CTNND2: variants seen among roughly 807,000 people sequenced by gnomAD.
CTNND2 encodes the protein catenin delta-2.
A neutral mutation model predicts 144.4 loss-of-function variants in CTNND2; 22 were observed. That is an observed-to-expected ratio of 0.15 (90% CI 0.11 to 0.22). The LOEUF is 0.22. Among genes scored for constraint, CTNND2 ranks in the 10% least tolerant of loss-of-function variants. CTNND2 has a pLI of 1.00. For synonymous variants in CTNND2, 751 were observed against 695.6 expected (o/e 1.08, Z -1.25); for missense variants, 1,353 against 1,618.8 (o/e 0.84, Z 2.82).
rs192996249 is a variant in CTNND2, at chr5:11,714,973, C to T, written c.174+17163G>A. Reference sequence around the variant, plus strand: ...AAAGAATGAAAATGTACGTGTATTGCGATACATTATTATTAGCTATTATGT... The same window carrying T: ...AAAGAATGAAAATGTACGTGTATTGTGATACATTATTATTAGCTATTATGT... On this transcript the variant is annotated intron_variant, in intron 2 of 21. Transcript: ENST00000304623. 1.7e-4 allele frequency among the ~76,000 whole-genome samples: 26 copies of T among 150,982 alleles called. No homozygotes were observed. In the East Asian group the frequency reaches 4.3e-3, roughly 25 times the overall value.
chr5:11,753,689 A>G (rs1020815891), intron 1 of CTNND2, among the ~76,000 whole-genome samples: 4 of 151,910 alleles, frequency 2.6e-5, no homozygotes, highest in African/African-American at 9.7e-5. Flanking sequence ...TCCTCATAGA[A>G]TAAGTTAGGG....
intron 9 of CTNND2, among the ~76,000 whole-genome samples, chr5:11,255,362 C>T (rs901217458): frequency 5.9e-5 from 9 of 152,178 alleles, no homozygotes; most frequent in Admixed American, 5.2e-4. Context: ...GCAGACTTTG[C>T]GCTGGTTTTG....
intron 9 of CTNND2, among the ~76,000 whole-genome samples, chr5:11,276,672 C>T (rs996622283): frequency 4.6e-5 from 7 of 152,272 alleles, no homozygotes; most frequent in East Asian, 1.9e-4. Flanking sequence ...GAAAGCAGTG[C>T]GTTTGCAAAT....
At chr5:11,847,675 G>A (rs957217934) in intron 1 of CTNND2, among the ~76,000 whole-genome samples, 6 of 151,968 alleles carry the variant, frequency 3.9e-5, no homozygotes, top group Admixed American at 6.6e-5. Flanking sequence ...TGTTGAATGC[G>A]ATAATTACCC....
intron 2 of CTNND2, among the ~76,000 whole-genome samples, chr5:11,672,714 T>C (rs1279163822): frequency 2.0e-5 from 3 of 151,968 alleles, no homozygotes; most frequent in East Asian, 1.9e-4. Context: ...CTGGGCTCCA[T>C]AGGGGTGGGA....
At chr5:11,748,172 A>C (rs1345736977) in intron 1 of CTNND2, among the ~76,000 whole-genome samples, 1 of 104,018 alleles carries the variant, frequency 9.6e-6, no homozygotes, top group African/African-American at 3.5e-5. Flanking sequence ...TTTTTAAATA[A>C]ATTGCTGACC....
At chr5:11,686,464 T>C (rs963212612) in intron 2 of CTNND2, among the ~76,000 whole-genome samples, 2 of 152,230 alleles carry the variant, frequency 1.3e-5, no homozygotes, top group African/African-American at 2.4e-5. Context: ...GCTATTCAAT[T>C]GTATAATAAC....
At position 11,240,455 on chromosome 5, in the gene CTNND2, C is replaced by A. The variant is rs1207817665; in HGVS notation, c.1629-3632G>T. Among the ~76,000 whole-genome samples the A allele has an allele frequency of 8.5e-5, 10 of 117,696 alleles. No individual in the cohort carries two copies. In the South Asian group the frequency reaches 9.2e-4, roughly 11 times the overall value. 77.2% of individuals were successfully genotyped at this position (117,696 alleles called of 152,430 possible). ...TCACACACACCCAACATACACACAC[C>A]CCCCAACACACACACTCACATACAC... On this transcript the variant is annotated intron_variant, in intron 9 of 21. Coordinates refer to ENST00000304623, the MANE Select transcript of CTNND2 (RefSeq NM_001332.4).
At chr5:11,076,605 T>C (rs1748978295) in intron 16 of CTNND2, among the ~76,000 whole-genome samples, 1 of 152,208 alleles carries the variant, frequency 6.6e-6, no homozygotes, top group Non-Finnish European at 1.5e-5. Context: ...AACACAAAGA[T>C]CTATCTATAG....
At chr5:11,830,768 A>G (rs1409301106) in intron 1 of CTNND2, among the ~76,000 whole-genome samples, 1 of 152,180 alleles carries the variant, frequency 6.6e-6, no homozygotes, top group East Asian at 1.9e-4. Context: ...GGAGCTGCAG[A>G]GCACCCGGAC....
intron 2 of CTNND2, among the ~76,000 whole-genome samples, chr5:11,616,764 G>A (rs1377837744): frequency 2.0e-5 from 3 of 151,936 alleles, no homozygotes; most frequent in Admixed American, 6.6e-5. Flanking sequence ...GTGCTACCAC[G>A]CCCGGCTAAG....
intron 3 of CTNND2, among the ~76,000 whole-genome samples, chr5:11,444,866 C>T (rs747450036): frequency 2.0e-5 from 3 of 152,090 alleles, no homozygotes; most frequent in Non-Finnish European, 4.4e-5. Flanking sequence ...CCAGCACTGG[C>T]ACCCAGGGCC....
chr5:11,433,019 C>T (rs781098071), intron 3 of CTNND2, among the ~76,000 whole-genome samples: 22 of 152,120 alleles, frequency 1.4e-4, no homozygotes, highest in Non-Finnish European at 2.1e-4. Flanking sequence ...CCAAGGCAGG[C>T]GGATCACGAG....
chr5:11,852,868 C>G (rs1795082956), intron 1 of CTNND2, among the ~76,000 whole-genome samples: 2 of 152,206 alleles, frequency 1.3e-5, no homozygotes, highest in East Asian at 3.9e-4. Flanking sequence ...AATGGGTTTG[C>G]CCTTATGTGT....
chr5:11,297,973 G>A (rs1749195668), intron 9 of CTNND2, among the ~76,000 whole-genome samples: 1 of 152,046 alleles, frequency 6.6e-6, no homozygotes, highest in Admixed American at 6.6e-5. Context: ...AGTACAACAG[G>A]GGTGAGCACA....
At chr5:11,450,727 G>A (rs1765232118) in intron 3 of CTNND2, among the ~76,000 whole-genome samples, 1 of 151,700 alleles carries the variant, frequency 6.6e-6, no homozygotes, top group Non-Finnish European at 1.5e-5. Context: ...GTGAAACCCC[G>A]TCCCTACTAA....
At chr5:11,542,907 C>A (rs890208416) in intron 3 of CTNND2, among the ~76,000 whole-genome samples, 2 of 152,192 alleles carry the variant, frequency 1.3e-5, no homozygotes, top group Non-Finnish European at 2.9e-5. Flanking sequence ...CCCTGCATTT[C>A]ATTTCTGAAT....
chr5:11,533,216 G>A (rs1261672572), intron 3 of CTNND2, among the ~76,000 whole-genome samples: 1 of 152,212 alleles, frequency 6.6e-6, no homozygotes, highest in Non-Finnish European at 1.5e-5. Flanking sequence ...TCAAACGCAA[G>A]ACTTCCAATG....
At chr5:11,171,750 C>T (rs1759942377) in intron 11 of CTNND2, among the ~76,000 whole-genome samples, 2 of 152,114 alleles carry the variant, frequency 1.3e-5, no homozygotes, top group Admixed American at 1.3e-4. Context: ...TGAAAAGTCA[C>T]CATGGGAGGG....
Sources: gnomAD v4.1 joint callset for allele counts (sites outside exome capture counted in the v4.1 genomes callset) on GRCh38, gnomAD v4.1.1 for gene constraint, MANE v1.5 for transcripts, NCBI Gene and HGNC (gene_info 2026-07-23, HGNC 2026-07-21) for gene names.